The following TECPR1 variants were observed in gnomAD, a reference collection of about 807,000 sequenced individuals.
The protein encoded by TECPR1 is tectonin beta-propeller repeat containing 1, also known as tectonin beta-propeller repeat-containing protein 1.
TECPR1 carries 122 observed loss-of-function variants against 162.4 expected under a neutral mutation model. That is an observed-to-expected ratio of 0.75 (90% CI 0.65 to 0.87). TECPR1 has a LOEUF of 0.87. Ranked by LOEUF, TECPR1 falls within the 40% of genes least tolerant of loss-of-function variation. The pLI is 0.00. For missense variants in TECPR1, 1,432 were observed against 1,618.2 expected, an observed-to-expected ratio of 0.88 and a Z score of 1.97; for synonymous variants, 642 against 670.6, an observed-to-expected ratio of 0.96 and a Z score of 0.66.
At chr7:98,221,803 G>A (rs1290968671) in intron 22 of TECPR1, 50 bp from the exon 23 acceptor site, 1 of 1,471,500 alleles carries the variant, frequency 6.8e-7, no homozygotes, top group South Asian at 1.2e-5. Flanking sequence ...TCCTTGCATG[G>A]GCCAGGTGGG....
rs1798747535 is a variant in TECPR1, at chr7:98,241,458, A to G, written c.658-214T>C. Among the ~76,000 whole-genome samples, 1 of 151,320 alleles carries G rather than the reference A, an allele frequency of 6.6e-6. No homozygotes were observed. Among genetic ancestry groups the G allele is most frequent in the Non-Finnish European group, 1.5e-5 (1 of 67,860 alleles). Reference sequence around the variant, plus strand: ...TCATCTGTTTGGGGTGATGCCCCCAACCCAGCCCACTCATGGACACCCACC... The same window carrying G: ...TCATCTGTTTGGGGTGATGCCCCCAGCCCAGCCCACTCATGGACACCCACC... On this transcript the variant is annotated intron_variant, in intron 6 of 25. Transcript: ENST00000447648. The surrounding 1 kb of genome is among the most constrained non-coding windows in gnomAD (Gnocchi z 5.0).
chr7:98,242,932 C>A (rs1450323685), intron 6 of TECPR1, among the ~76,000 whole-genome samples: 1 of 8,492 alleles, frequency 1.2e-4, no homozygotes, highest in Admixed American at 2.7e-3. Flanking sequence ...ACCCATCCGC[C>A]CATCCACACA....
chr7:98,227,930 C>T, intron 17 of TECPR1, 84 bp downstream of exon 17: 3 of 1,123,988 alleles, frequency 2.7e-6, no homozygotes, highest in South Asian at 1.3e-5. Flanking sequence ...GGACTCCACG[C>T]TACGGTGGAT....
chr7:98,229,096 C>T lies in TECPR1; in HGVS notation c.2353G>A (p.Gly785Ser), dbSNP rs941660380. Residue 785 changes from glycine (G) to serine (S), a missense_variant, in exon 16 of 26, where the codon GGC becomes AGC. By Grantham distance (56) the Gly-to-Ser change is moderately conservative. Coordinates refer to ENST00000447648, the MANE Select transcript of TECPR1 (RefSeq NM_015395.3). ...ANSRGVVWGI[G>S]YDHTAWVYTG... The stretch of plus-strand genomic sequence containing the variant: ...TATACCCAGGCCGTGTGGTCATAGC[C>T]GATGCCCCACACCACGCCCCGGCTG... 12 of 1,582,728 alleles carry T rather than the reference C, an allele frequency of 7.6e-6. No individual in the cohort carries two copies. Among genetic ancestry groups the T allele is most frequent in the Admixed American group, 5.5e-5 (3 of 54,982 alleles).
intron 19 of TECPR1, among the ~76,000 whole-genome samples, chr7:98,224,329 ATCTCTCCGAGGG>A (rs774871047): frequency 9.9e-5 from 15 of 152,156 alleles, no homozygotes; most frequent in Non-Finnish European, 1.2e-4. Flanking sequence ...CAGCCACTGC[ATCTCTCCGAGGG>A]GCTCACACTG....
At chr7:98,233,115 TGTTGGATGA>T (rs1798493723) in intron 11 of TECPR1, 143 bp from the exon 12 acceptor site, 1 of 1,011,772 alleles carries the variant, frequency 9.9e-7, no homozygotes, top group African/African-American at 1.6e-5. Flanking sequence ...CCCTTTGCCC[TGTTGGATGA>T]GTTGCTCTCC....
rs757002776 is a variant in TECPR1 at position 98,231,972 on chromosome 7, G to A, written c.1819-13C>T. ...TCACCCACACCGACTGCGCAGGCCGGGGCAGTGGACACCATCACAGGCAGG... is the reference window on the plus strand; with the variant it reads ...TCACCCACACCGACTGCGCAGGCCGAGGCAGTGGACACCATCACAGGCAGG... On this transcript the variant is annotated splice_polypyrimidine_tract_variant and intron_variant, in intron 12 of 25. Transcript: ENST00000447648. 3 of 1,592,606 alleles carry A rather than the reference G, an allele frequency of 1.9e-6. No homozygotes were observed. The South Asian group carries it at 3.3e-5, about 18-fold the overall frequency.
At position 98,231,244 on chromosome 7, in the gene TECPR1, C is replaced by T. The variant is rs775182904; in HGVS notation, c.2104G>A (p.Glu702Lys). The change falls in exon 14 of 26, where the codon GAG (glutamate) becomes AAG (lysine). Residue 702 changes from glutamate (E) to lysine (K), a missense_variant. Coordinates refer to ENST00000447648, the MANE Select transcript of TECPR1 (RefSeq NM_015395.3). ...RWPVRLAAAT[E>K]QDMNDWLALL... ...CTCACCCAGTCATTCATGTCCTGCT[C>T]GGTGGCAGCAGCCAGACGCACCGGC... 18 of 1,612,844 alleles carry T rather than the reference C, an allele frequency of 1.1e-5. No individual in the cohort carries two copies. The highest frequency in any genetic ancestry group is 1.4e-5 in the Non-Finnish European group (17 of 1,179,760).
In TECPR1 at chr7:98,222,412, C is replaced by A. The variant is rs1798164265; in HGVS notation, c.3038G>T (p.Gly1013Val). The A allele has an allele frequency of 1.9e-6, 3 of 1,599,154 alleles. No individual in the cohort carries two copies. The highest frequency in any genetic ancestry group is 2.6e-6 in the Non-Finnish European group (3 of 1,173,898). Residue 1013 changes from glycine (G) to valine (V), a missense_variant, in exon 22 of 26, where the codon GGA becomes GTA. By Grantham distance (109) the Gly-to-Val change is moderately radical (BLOSUM62 -3). Transcript: ENST00000447648. Reference protein sequence around the residue: ...VARDGSAFYRGSVYPSQPAGD... With the variant: ...VARDGSAFYRVSVYPSQPAGD... ...GGCTGGCTGCGAGGGGTACACGGAT[C>A]CCCGGTAGAAGGCGGAGCCGTCCCT...
At chr7:98,246,955 T>C (rs1044405736) in intron 2 of TECPR1, among the ~76,000 whole-genome samples, 4 of 151,438 alleles carry the variant, frequency 2.6e-5, no homozygotes, top group African/African-American at 7.3e-5. Context: ...CTGGTCAACA[T>C]GGTGAAACCT....
At chr7:98,246,446 T>C (rs1161848740) in intron 2 of TECPR1, among the ~76,000 whole-genome samples, 1 of 151,966 alleles carries the variant, frequency 6.6e-6, no homozygotes, top group Non-Finnish European at 1.5e-5. Context: ...TTTGTATTTT[T>C]AGTAGAGACG....
intron 23 of TECPR1, among the ~76,000 whole-genome samples, chr7:98,220,374 C>T (rs183632843): frequency 9.1e-4 from 139 of 152,188 alleles, no homozygotes; most frequent in African/African-American, 3.0e-3. Flanking sequence ...TTTAACGGTA[C>T]ATTTTACTTT....
At position 98,217,606 on chromosome 7, in the gene TECPR1, G is replaced by A. The variant is rs535213443; in HGVS notation, c.3384+86C>T. 25 of 1,531,870 alleles carry A rather than the reference G, an allele frequency of 1.6e-5. No homozygotes were observed. The African/African-American group carries it at 3.0e-4, about 18-fold the overall frequency. The allele number at this position is 1,531,870 out of a possible 1,614,324, so 94.9% of individuals were successfully genotyped here. A position where few individuals can be genotyped will look rare whatever the true frequency, so the allele number is the denominator to read the frequency against. On this transcript the variant is annotated intron_variant, in intron 25 of 25. Coordinates refer to ENST00000447648, the MANE Select transcript of TECPR1 (RefSeq NM_015395.3). ...GCAACCCAGACACCGGGTCCCAGGGGACAGTCCCACAGTGGTCGTCCCGTC... is the reference window on the plus strand; with the variant it reads ...GCAACCCAGACACCGGGTCCCAGGGAACAGTCCCACAGTGGTCGTCCCGTC...
At chr7:98,235,849 A>AAAAAAAAAAAAAAAAAAAAAC in intron 10 of TECPR1, among the ~76,000 whole-genome samples, 1 of 110,258 alleles carries the variant, frequency 9.1e-6, no homozygotes, top group African/African-American at 3.1e-5. Context: ...AAAAAAAAAA[A>AAAAAAAAAAAAAAAAAAAAAC]AACACCATCT....
At chr7:98,234,660 A>T (rs1397154134) in intron 10 of TECPR1, among the ~76,000 whole-genome samples, 1 of 146,832 alleles carries the variant, frequency 6.8e-6, no homozygotes, top group East Asian at 2.1e-4. Context: ...CCAGCAGTGT[A>T]TGAAGTTCCA....
At chr7:98,244,315 G>A (rs1177446139) in intron 5 of TECPR1, among the ~76,000 whole-genome samples, 1 of 152,252 alleles carries the variant, frequency 6.6e-6, no homozygotes, top group African/African-American at 2.4e-5. Context: ...GTCTGGGACA[G>A]AGCAGCTTGG....
chr7:98,216,113 G>A lies in TECPR1; in HGVS notation c.*1277C>T, dbSNP rs1333656839. The A allele has an allele frequency of 2.6e-5, 4 of 152,396 alleles. No individual in the cohort carries two copies. Among genetic ancestry groups the A allele is most frequent in the Admixed American group, 1.3e-4 (2 of 15,312 alleles). The allele number at this position is 152,396 out of a possible 1,614,324, so 9.4% of individuals were successfully genotyped here. The stretch of plus-strand genomic sequence containing the variant: ...GTGGAGGAAGCAAACTCCCAAATGG[G>A]GCACAGAGGTAATAAAAAGCAGCTG... On this transcript the variant is annotated 3_prime_UTR_variant, in exon 26 of 26. Coordinates refer to ENST00000447648, the MANE Select transcript of TECPR1 (RefSeq NM_015395.3).
At position 98,229,092 on chromosome 7, in the gene TECPR1, T is replaced by G; in HGVS notation, c.2357A>C (p.Tyr786Ser). 1 of 1,585,464 alleles carries G rather than the reference T, an allele frequency of 6.3e-7. No homozygotes were observed. Among genetic ancestry groups the G allele is most frequent in the Non-Finnish European group, 8.6e-7 (1 of 1,166,750 alleles). The change falls in exon 16 of 26, where the codon TAT becomes TCT. Residue 786 changes from tyrosine to serine, a missense_variant. Coordinates refer to ENST00000447648, the MANE Select transcript of TECPR1 (RefSeq NM_015395.3). Reference protein sequence around the residue: ...NSRGVVWGIGYDHTAWVYTGG... With the variant: ...NSRGVVWGIGSDHTAWVYTGG... ...TGTGTATACCCAGGCCGTGTGGTCA[T>G]AGCCGATGCCCCACACCACGCCCCG...
intron 2 of TECPR1, among the ~76,000 whole-genome samples, chr7:98,250,728 CT>C (rs1378914810): frequency 6.6e-6 from 1 of 152,208 alleles, no homozygotes; most frequent in Non-Finnish European, 1.5e-5. Flanking sequence ...TAGACTCAGT[CT>C]GCAGGTTGAG....
Sources: gnomAD v4.1 joint callset for allele counts (sites outside exome capture counted in the v4.1 genomes callset) on GRCh38, gnomAD v4.1.1 for gene constraint, Gnocchi (gnomAD v3.1) non-coding constraint, MANE v1.5 for transcripts, NCBI Gene and HGNC (gene_info 2026-07-23, HGNC 2026-07-21) for gene names.